The following TCERG1 variants were observed in gnomAD, a reference collection of about 807,000 sequenced individuals.
The protein encoded by TCERG1 is TATA box binding protein (TBP)-associated factor, RNA polymerase II, S, 150kD.
TCERG1 carries 37 observed loss-of-function variants against 144.7 expected under a neutral mutation model. That is an observed-to-expected ratio of 0.26 (90% CI 0.20 to 0.34). The LOEUF is 0.34. Among genes scored for constraint, TCERG1 ranks in the 10% least tolerant of loss-of-function variants. The pLI, the probability that TCERG1 is intolerant of heterozygous loss-of-function variation, is 1.00. For missense variants in TCERG1, 1,027 were observed against 1,380.7 expected, an observed-to-expected ratio of 0.74 and a Z score of 4.06; for synonymous variants, 492 against 458.2, an observed-to-expected ratio of 1.07 and a Z score of -0.94.
intron 15 of TCERG1, among the ~76,000 whole-genome samples, chr5:146,490,720 C>CT (rs1766323029): frequency 6.6e-6 from 1 of 152,116 alleles, no homozygotes; most frequent in Non-Finnish European, 1.5e-5. Context: ...TCTTGTGTTA[C>CT]TTTAAAAAAT....
In TCERG1 at chr5:146,459,099, G is replaced by C. The variant is rs755241284; in HGVS notation, c.654G>C (p.Gln218His). Residue 218 changes from glutamine to histidine, a missense_variant, in exon 4 of 23, where the codon CAG becomes CAC. By Grantham distance (24) the Gln-to-His change is conservative. This residue lies in a region of TCERG1 where 187 missense variants were observed against 169.1 expected (regional missense o/e 1.11). Transcript: ENST00000679501. Reference sequence around the variant, plus strand: ...AGGCCCAGGCCCAGGCCCAGGCCCAGGCCCAGGCCCAAGCCCAAGCCCAGG... The same window carrying C: ...AGGCCCAGGCCCAGGCCCAGGCCCACGCCCAGGCCCAAGCCCAAGCCCAGG... Reference protein sequence around the residue: ...QAQAQAQAQAQAQAQAQAQAQ... With the variant: ...QAQAQAQAQAHAQAQAQAQAQ... The C allele has an allele frequency of 1.3e-6, 2 of 1,525,308 alleles. No homozygotes were observed. The highest frequency in any genetic ancestry group is 1.4e-5 in the African/African-American group (1 of 71,514). The allele number at this position is 1,525,308 out of a possible 1,614,324, so 94.5% of individuals were successfully genotyped here.
chr5:146,507,827 G>A lies in TCERG1; in HGVS notation c.2962-46G>A, dbSNP rs1768140519. On this transcript the variant is annotated intron_variant, in intron 20 of 22. Coordinates refer to ENST00000679501, the MANE Select transcript of TCERG1 (RefSeq NM_001382548.1). The surrounding 1 kb of genome is among the most constrained non-coding windows in gnomAD (Gnocchi z 4.6). ...TATGTGCTGCAGTTTGACTCCCTAA[G>A]TAAAAGTGAGTTGTATTTATGTTTT... 2 of 1,403,614 alleles carry A rather than the reference G, an allele frequency of 1.4e-6. No individual in the cohort carries two copies. The highest frequency in any genetic ancestry group is 2.0e-6 in the Non-Finnish European group (2 of 1,006,856). 86.9% of individuals were successfully genotyped at this position (1,403,614 alleles called of 1,614,324 possible).
At chr5:146,477,334 C>T (rs1764932215) in intron 9 of TCERG1, among the ~76,000 whole-genome samples, 1 of 151,922 alleles carries the variant, frequency 6.6e-6, no homozygotes, top group Non-Finnish European at 1.5e-5. Context: ...TGTAAGTTAC[C>T]TTGGACTTGA....
At chr5:146,493,312 A>G (rs1188320118) in intron 16 of TCERG1, among the ~76,000 whole-genome samples, 2 of 152,036 alleles carry the variant, frequency 1.3e-5, no homozygotes, top group African/African-American at 4.8e-5. Context: ...TCTGTGCCTC[A>G]TCTTTGTAAA....
chr5:146,457,039 C>A, intron 2 of TCERG1, 144 bp from the exon 3 acceptor site: 1 of 1,021,946 alleles, frequency 9.8e-7, no homozygotes, highest in Non-Finnish European at 1.4e-6. Flanking sequence ...TTGTTGCAGA[C>A]ATTTTGCTTC....
intron 5 of TCERG1, among the ~76,000 whole-genome samples, chr5:146,467,262 G>A (rs1436645577): frequency 6.6e-6 from 1 of 151,884 alleles, no homozygotes; most frequent in Non-Finnish European, 1.5e-5. Context: ...AGTCTCAGAG[G>A]TAGGAGAAAT....
At chr5:146,498,793 G>A (rs746746632) in intron 17 of TCERG1, 107 bp downstream of exon 17, 3 of 1,152,478 alleles carry the variant, frequency 2.6e-6, no homozygotes, top group East Asian at 2.9e-5. Context: ...ATAATAGGAC[G>A]TACATGGACT....
At chr5:146,493,086 TA>T (rs768307492) in intron 16 of TCERG1, 48 bp downstream of exon 16, 1 of 1,284,522 alleles carries the variant, frequency 7.8e-7, no homozygotes. Context: ...TATTTTCTCC[TA>T]AGATCAGTTT....
chr5:146,473,300 T>G (rs943637156), intron 9 of TCERG1, among the ~76,000 whole-genome samples: 37 of 152,164 alleles, frequency 2.4e-4, no homozygotes, highest in Non-Finnish European at 1.0e-4. Context: ...CCCTCAGTTC[T>G]GTGAAGGCTG....
At chr5:146,481,940 TC>T (rs1225716924) in intron 13 of TCERG1, 1 of 152,138 alleles carries the variant, frequency 6.6e-6, no homozygotes, top group African/African-American at 2.4e-5. Flanking sequence ...ACCTAACTAC[TC>T]CTGGGCCCAT....
At chr5:146,471,362 A>T in intron 8 of TCERG1, 126 bp from the exon 9 acceptor site, 1 of 778,642 alleles carries the variant, frequency 1.3e-6, no homozygotes, top group Non-Finnish European at 2.0e-6. Context: ...TCCTACTCAG[A>T]GTCTCCTCTT....
intron 22 of TCERG1, among the ~76,000 whole-genome samples, chr5:146,509,775 A>C (rs2150952335): frequency 6.6e-6 from 1 of 152,330 alleles, no homozygotes; most frequent in African/African-American, 2.4e-5. Context: ...CTCTGTAGCA[A>C]ACCCAACAGT....
chr5:146,452,459 A>G (rs998069640), intron 1 of TCERG1, among the ~76,000 whole-genome samples: 1 of 152,210 alleles, frequency 6.6e-6, no homozygotes, highest in African/African-American at 2.4e-5. Flanking sequence ...TCAGTGGTTC[A>G]TGCAACAAAT....
chr5:146,481,333 T>A, intron 13 of TCERG1, 133 bp downstream of exon 13: 1 of 268,984 alleles, frequency 3.7e-6, no homozygotes, highest in Non-Finnish European at 5.7e-6. Flanking sequence ...TTTTATTAGT[T>A]ACTTCTTGGA....
rs1768137216 is a variant in TCERG1, at chr5:146,507,800, C to CCT, written c.2962-72_2962-71dup. On this transcript the variant is annotated intron_variant, in intron 20 of 22. Coordinates refer to ENST00000679501, the MANE Select transcript of TCERG1 (RefSeq NM_001382548.1). This position sits in a 1 kb window ranked among gnomAD's most constrained non-coding sequence, Gnocchi z 4.6. ...GCAGGTCAGTGTGTAATATTATGTA[C>CCT]CTATGTGCTGCAGTTTGACTCCCTA... is the stretch of plus-strand genomic sequence containing the variant. 1.0e-6 allele frequency: 1 copy of CCT among 975,050 alleles called. No homozygotes were observed. Among genetic ancestry groups the CCT allele is most frequent in the Admixed American group, 2.1e-5 (1 of 46,794 alleles). 60.4% of individuals were successfully genotyped at this position (975,050 alleles called of 1,614,324 possible). A position where few individuals can be genotyped will look rare whatever the true frequency, so the allele number is the denominator to read the frequency against.
intron 1 of TCERG1, among the ~76,000 whole-genome samples, chr5:146,448,731 A>G (rs1762109302): frequency 6.6e-6 from 1 of 152,262 alleles, no homozygotes; most frequent in Non-Finnish European, 1.5e-5. Flanking sequence ...TTCAGAGATG[A>G]ATCTGAAATC....
chr5:146,492,479 A>G (rs1766520420), intron 15 of TCERG1, among the ~76,000 whole-genome samples: 1 of 152,164 alleles, frequency 6.6e-6, no homozygotes, highest in Non-Finnish European at 1.5e-5. Context: ...AGTGGGGGAA[A>G]TATAGAATAG....
rs562835957 is a variant in TCERG1, at chr5:146,477,293, A to G, written c.1602-1200A>G. Among the ~76,000 whole-genome samples, 5 of 152,158 alleles carry G rather than the reference A, an allele frequency of 3.3e-5. No homozygotes were observed. In the South Asian group the frequency reaches 1.0e-3, roughly 32 times the overall value. On this transcript the variant is annotated intron_variant, in intron 9 of 22. Coordinates refer to ENST00000679501, the MANE Select transcript of TCERG1 (RefSeq NM_001382548.1). The stretch of plus-strand genomic sequence containing the variant: ...TGCTTCAAAGTTTTTTACTATCTTA[A>G]CATAGGAGGCTTAGTCTGATCATTT...
chr5:146,478,046 T>G (rs749111216), intron 9 of TCERG1, among the ~76,000 whole-genome samples: 2 of 152,162 alleles, frequency 1.3e-5, no homozygotes, highest in African/African-American at 2.4e-5. Context: ...TCTTAAAGTC[T>G]TCATAGAAGG....
Sources: allele counts gnomAD v4.1 joint callset (sites outside exome capture counted in the v4.1 genomes callset), GRCh38; gene constraint gnomAD v4.1.1; regional missense constraint gnomAD v4.1.1; non-coding constraint Gnocchi (gnomAD v3.1); transcripts MANE v1.5; gene names NCBI Gene and HGNC (gene_info 2026-07-23, HGNC 2026-07-21).